The following ADGRL3 variants were observed in gnomAD, a reference collection of about 807,000 sequenced individuals.
The protein encoded by ADGRL3 is calcium-independent alpha-latrotoxin receptor 3.
In ADGRL3, 62 loss-of-function variants were observed where a neutral mutation model predicts 153.5. The observed-to-expected ratio is 0.40, with a 90% CI of 0.33 to 0.50. ADGRL3 has a LOEUF of 0.50. ADGRL3 is among the 20% of genes least tolerant of loss of function. The pLI is 0.47. For missense variants in ADGRL3, 1,641 were observed against 1,859.4 expected (o/e 0.88, Z 2.16); for synonymous variants, 710 against 672.5 (o/e 1.06, Z -0.86).
At chr4:61,215,528 C>T (rs1361814743) in intron 1 of ADGRL3, among the ~76,000 whole-genome samples, 1 of 146,004 alleles carries the variant, frequency 6.8e-6, no homozygotes, top group African/African-American at 2.5e-5. Flanking sequence ...CACATGCTGC[C>T]TTCTATTATG....
chr4:61,322,070 G>A (rs1441911005), intron 1 of ADGRL3, among the ~76,000 whole-genome samples: 6 of 152,172 alleles, frequency 3.9e-5, no homozygotes, highest in East Asian at 3.8e-4. Context: ...GGCTGGGGAG[G>A]CCTCACAATT....
chr4:61,932,884 T>C (rs1217685940), intron 13 of ADGRL3, among the ~76,000 whole-genome samples: 1 of 152,136 alleles, frequency 6.6e-6, no homozygotes, highest in African/African-American at 2.4e-5. Flanking sequence ...ATTTCTATTT[T>C]TTCCTGATTT....
intron 1 of ADGRL3, among the ~76,000 whole-genome samples, chr4:61,276,841 G>A (rs902081230): frequency 6.6e-6 from 1 of 151,922 alleles, no homozygotes; most frequent in African/African-American, 2.4e-5. Context: ...GTGCTCATCT[G>A]AAAAATAGGG....
chr4:61,587,524 TA>T (rs1301233867), intron 5 of ADGRL3, 84 bp downstream of exon 5: 2 of 1,007,566 alleles, frequency 2.0e-6, no homozygotes, highest in Admixed American at 2.5e-5. Context: ...CATAAGAACA[TA>T]AACAGTGTTA....
rs1262014151 is a variant in ADGRL3, at chr4:61,663,925, C to T, written c.474-12901C>T. Among the ~76,000 whole-genome samples the T allele has an allele frequency of 3.3e-5, 5 of 152,256 alleles. No individual in the cohort carries two copies. The East Asian group carries it at 7.7e-4, about 24-fold the overall frequency. On this transcript the variant is annotated intron_variant, in intron 5 of 26. Coordinates refer to ENST00000683033, the MANE Select transcript of ADGRL3 (RefSeq NM_001387552.1). ...CTGAAGACAATGTCTGCTCTTATTA[C>T]AAGATGTCATAAGTTGTCATCAGAG...
intron 1 of ADGRL3, among the ~76,000 whole-genome samples, chr4:61,230,266 A>G (rs749291433): frequency 2.0e-5 from 3 of 152,140 alleles, no homozygotes; most frequent in Non-Finnish European, 2.9e-5. Flanking sequence ...TTCTACTACC[A>G]TTATTATTAT....
At chr4:61,572,595 T>C (rs2098843586) in intron 4 of ADGRL3, among the ~76,000 whole-genome samples, 1 of 152,106 alleles carries the variant, frequency 6.6e-6, no homozygotes, top group African/African-American at 2.4e-5. Flanking sequence ...ATATATATTT[T>C]AACAAATACA....
intron 4 of ADGRL3, among the ~76,000 whole-genome samples, chr4:61,547,295 G>A (rs1219961238): frequency 1.3e-5 from 2 of 151,182 alleles, no homozygotes; most frequent in African/African-American, 2.4e-5. Context: ...TTAGATTTAG[G>A]GATACATGTG....
chr4:61,395,149 G>T (rs567576909), intron 2 of ADGRL3, among the ~76,000 whole-genome samples: 4 of 151,782 alleles, frequency 2.6e-5, no homozygotes, highest in African/African-American at 9.7e-5. Context: ...TGTCAGTTCC[G>T]GGACAATCTA....
At chr4:61,639,787 A>G (rs576712420) in intron 5 of ADGRL3, among the ~76,000 whole-genome samples, 50 of 152,242 alleles carry the variant, frequency 3.3e-4, no homozygotes, top group African/African-American at 1.0e-3. Context: ...CATAAGTATA[A>G]TTTTTCAACT....
intron 8 of ADGRL3, among the ~76,000 whole-genome samples, chr4:61,805,332 T>C (rs755670548): frequency 6.6e-6 from 1 of 152,150 alleles, no homozygotes; most frequent in Non-Finnish European, 1.5e-5. Flanking sequence ...AAAAGAAAAT[T>C]TACCACATTA....
intron 2 of ADGRL3, among the ~76,000 whole-genome samples, chr4:61,472,131 A>C (rs919988933): frequency 6.6e-6 from 1 of 152,102 alleles, no homozygotes; most frequent in Admixed American, 6.6e-5. Context: ...TAATAGGAAA[A>C]CATGGTTCAT....
At chr4:62,030,205 C>T (rs1721212741) in intron 22 of ADGRL3, among the ~76,000 whole-genome samples, 1 of 151,530 alleles carries the variant, frequency 6.6e-6, no homozygotes, top group South Asian at 2.1e-4. Flanking sequence ...AGATGCAGTT[C>T]TCTCTAAAAA....
intron 8 of ADGRL3, chr4:61,775,459 C>T: frequency 1.5e-6 from 1 of 677,870 alleles, no homozygotes. Flanking sequence ...TCATTTCTTG[C>T]ATTTGAAGTA....
intron 3 of ADGRL3, among the ~76,000 whole-genome samples, chr4:61,513,926 G>A (rs563569978): frequency 6.6e-6 from 1 of 152,228 alleles, no homozygotes; most frequent in African/African-American, 2.4e-5. Flanking sequence ...TGAAACTGTG[G>A]CCTCTAATGG....
chr4:61,206,898 G>A (rs541008790), intron 1 of ADGRL3, among the ~76,000 whole-genome samples: 92 of 151,950 alleles, frequency 6.1e-4, no homozygotes, highest in African/African-American at 2.1e-3. Flanking sequence ...CAGGAGAATC[G>A]CTGGAACCCA....
chr4:61,801,133 G>C (rs907219366), intron 8 of ADGRL3, among the ~76,000 whole-genome samples: 4 of 152,120 alleles, frequency 2.6e-5, no homozygotes, highest in Non-Finnish European at 5.9e-5. Context: ...AAACGTCATG[G>C]CTCTTCTGTA....
At chr4:61,261,323 C>T (rs2092500670) in intron 1 of ADGRL3, among the ~76,000 whole-genome samples, 1 of 151,856 alleles carries the variant, frequency 6.6e-6, no homozygotes, top group Admixed American at 6.6e-5. Context: ...TGAACCATTG[C>T]ACCTTGCCCT....
chr4:61,657,550 T>C (rs1382806618), intron 5 of ADGRL3, among the ~76,000 whole-genome samples: 1 of 152,112 alleles, frequency 6.6e-6, no homozygotes, highest in Non-Finnish European at 1.5e-5. Context: ...TAATGGGATA[T>C]AAAAATTCTC....
Sources: allele counts gnomAD v4.1 joint callset (sites outside exome capture counted in the v4.1 genomes callset), GRCh38; gene constraint gnomAD v4.1.1; transcripts MANE v1.5; gene names NCBI Gene and HGNC (gene_info 2026-07-23, HGNC 2026-07-21).